KIAA1671: variants seen among roughly 807,000 people sequenced by gnomAD.
The protein encoded by KIAA1671 is uncharacterized protein KIAA1671.
KIAA1671 carries 52 observed loss-of-function variants against 131.2 expected under a neutral mutation model. The observed-to-expected ratio is 0.40, with a 90% CI of 0.32 to 0.50. The LOEUF (loss-of-function observed/expected upper bound fraction) is 0.50. Among genes scored for constraint, KIAA1671 ranks in the 20% least tolerant of loss-of-function variants. The probability of loss-of-function intolerance (pLI) is 0.73; values close to 1 mark genes in which losing one functional copy is unlikely to be tolerated. For missense variants in KIAA1671, 2,360 were observed against 2,364.2 expected, an observed-to-expected ratio of 1.00 and a Z score of 0.04; for synonymous variants, 1,003 against 961.6, an observed-to-expected ratio of 1.04 and a Z score of -0.80.
rs1167317542 is a variant in KIAA1671 at position 25,029,097 on chromosome 22, C to T, written c.1098C>T (p.Ser366=). The change falls in exon 3 of 13, where the codon AGC becomes AGT. Residue 366 remains serine (S), a synonymous_variant. Transcript: ENST00000358431. Reference sequence around the variant, plus strand: ...TGCTTTCGAAGCCGGAGATGGGCAGCCCCAGAGCCCTGGTGGGGGGCTCAT... The same window carrying T: ...TGCTTTCGAAGCCGGAGATGGGCAGTCCCAGAGCCCTGGTGGGGGGCTCAT... ...EKMLSKPEMG[S]PRALVGGSSG... The T allele has an allele frequency of 3.4e-6, 5 of 1,481,962 alleles. No homozygotes were observed. Among genetic ancestry groups the T allele is most frequent in the Non-Finnish European group, 4.5e-6 (5 of 1,114,946 alleles). 91.8% of individuals were successfully genotyped at this position (1,481,962 alleles called of 1,614,324 possible).
intron 1 of KIAA1671, among the ~76,000 whole-genome samples, chr22:24,999,774 A>G (rs900750071): frequency 2.0e-5 from 3 of 147,032 alleles, no homozygotes; most frequent in African/African-American, 7.6e-5. Context: ...TATTGTTCAG[A>G]CTGGTCTCAA....
intron 1 of KIAA1671, among the ~76,000 whole-genome samples, chr22:24,965,308 G>A (rs573628007): frequency 2.6e-5 from 4 of 151,622 alleles, no homozygotes; most frequent in East Asian, 3.9e-4. Flanking sequence ...CCAGCTACTC[G>A]GGAGGTTGAA....
Position 25,029,064 on chromosome 22 carries a change from G to A in KIAA1671, c.1065G>A (p.Lys355=). Residue 355 remains lysine, a synonymous_variant, in exon 3 of 13, where the codon AAG becomes AAA. Coordinates refer to ENST00000358431, the MANE Select transcript of KIAA1671 (RefSeq NM_001145206.2). ...LEVAKKIRER[K]EKMLSKPEMG... ...TGGCCAAGAAAATCCGTGAACGGAA[G>A]GAGAAGATGCTTTCGAAGCCGGAGA... 6.7e-7 allele frequency: 1 copy of A among 1,502,842 alleles called. No homozygotes were observed. Among genetic ancestry groups the A allele is most frequent in the Non-Finnish European group, 8.9e-7 (1 of 1,124,596 alleles). 93.1% of individuals were successfully genotyped at this position (1,502,842 alleles called of 1,614,324 possible).
intron 1 of KIAA1671, among the ~76,000 whole-genome samples, chr22:24,973,209 C>T (rs1042931332): frequency 6.6e-6 from 1 of 152,082 alleles, no homozygotes; most frequent in African/African-American, 2.4e-5. Context: ...AAAACCCTGA[C>T]TGCTGAAAAG....
chr22:25,023,067 G>A (rs1259869273), intron 1 of KIAA1671: 1 of 152,344 alleles, frequency 6.6e-6, no homozygotes, highest in Non-Finnish European at 1.5e-5. Flanking sequence ...AATTAGCTGG[G>A]TGTGGTGCTG....
chr22:25,096,486 C>CT (rs1930395746), intron 6 of KIAA1671, among the ~76,000 whole-genome samples: 1 of 152,324 alleles, frequency 6.6e-6, no homozygotes, highest in South Asian at 2.1e-4. Context: ...AGGCTTCCAT[C>CT]TTCCCTCCCT....
chr22:25,093,753 TCTCTCTCTCTCTCTGTC>T (rs1568951066), intron 6 of KIAA1671, among the ~76,000 whole-genome samples: 1 of 102,796 alleles, frequency 9.7e-6, no homozygotes, highest in Non-Finnish European at 2.0e-5. Context: ...TCTCTCTCTC[TCTCTCTCTCTCTCTGTC>T]TCTCTCTCTC....
intron 6 of KIAA1671, chr22:25,051,820 C>T (rs2145822770): frequency 6.6e-6 from 1 of 152,376 alleles, no homozygotes; most frequent in South Asian, 2.1e-4. Flanking sequence ...ACTGTGTCTG[C>T]TATGATTCCC....
At chr22:24,994,073 C>T (rs1348115595) in intron 1 of KIAA1671, among the ~76,000 whole-genome samples, 1 of 151,616 alleles carries the variant, frequency 6.6e-6, no homozygotes, top group Non-Finnish European at 1.5e-5. Context: ...AAGAACAAAA[C>T]TCCCGTCTCA....
chr22:25,078,368 A>G lies in KIAA1671; in HGVS notation c.4530+29004A>G, dbSNP rs1929223608. Among the ~76,000 whole-genome samples, 2 of 151,788 alleles carry G rather than the reference A, an allele frequency of 1.3e-5. 1 individual carries two copies. The highest frequency in any genetic ancestry group is 4.2e-4 in the South Asian group (2 of 4,792). On this transcript the variant is annotated intron_variant, in intron 6 of 12. Coordinates refer to ENST00000358431, the MANE Select transcript of KIAA1671 (RefSeq NM_001145206.2). ...AGCAATACTCAGTCTCTACAAAAGA[A>G]TTTTTTTTTGAATAGCCAAGTATAA...
intron 4 of KIAA1671, 40 bp downstream of exon 4, chr22:25,032,736 G>A (rs1210651408): frequency 1.0e-5 from 13 of 1,300,088 alleles, no homozygotes; most frequent in Admixed American, 2.0e-5. Flanking sequence ...ATTAACCAGC[G>A]GGCAGTTATG....
chr22:25,028,194 G>A lies in KIAA1671; in HGVS notation c.195G>A (p.Arg65=). ...RSPARLLPLP[R]LAPKPFSKEQ... The stretch of plus-strand genomic sequence containing the variant: ...CGGCCCGGTTACTCCCTCTGCCAAG[G>A]CTCGCCCCCAAACCCTTCTCGAAGG... The change falls in exon 3 of 13, where the codon AGG becomes AGA. Residue 65 remains arginine, a synonymous_variant. Coordinates refer to ENST00000358431, the MANE Select transcript of KIAA1671 (RefSeq NM_001145206.2). The A allele has an allele frequency of 5.2e-6, 8 of 1,550,068 alleles. No individual in the cohort carries two copies. The highest frequency in any genetic ancestry group is 6.1e-6 in the Non-Finnish European group (7 of 1,145,840).
At chr22:25,112,133 T>TCTCC in intron 6 of KIAA1671, 1 of 398,512 alleles carries the variant, frequency 2.5e-6, no homozygotes, top group Non-Finnish European at 4.4e-6. Flanking sequence ...TTAATTGCTC[T>TCTCC]CTCCCTCCCT....
At chr22:25,051,850 A>G (rs921469278) in intron 6 of KIAA1671, 6 of 152,200 alleles carry the variant, frequency 3.9e-5, no homozygotes, top group African/African-American at 9.7e-5. Context: ...TTGATGAATG[A>G]CTTTGTGCTG....
Position 25,028,199 on chromosome 22 carries a change from C to G in KIAA1671, c.200C>G (p.Ala67Gly). 6.4e-7 allele frequency: 1 copy of G among 1,550,844 alleles called. No individual in the cohort carries two copies. Among genetic ancestry groups the G allele is most frequent in the Non-Finnish European group, 8.7e-7 (1 of 1,146,432 alleles). ...CGGTTACTCCCTCTGCCAAGGCTCG[C>G]CCCCAAACCCTTCTCGAAGGAGCAG... ...PARLLPLPRLAPKPFSKEQDV... is the reference protein window; with the variant it reads ...PARLLPLPRLGPKPFSKEQDV... Residue 67 changes from alanine (A) to glycine (G), a missense_variant, in exon 3 of 13, where the codon GCC (alanine) becomes GGC (glycine). Physicochemically the swap from Ala to Gly is moderately conservative, Grantham distance 60. This residue lies in a region of KIAA1671 where 1,185 missense variants were observed against 1,126.2 expected (regional missense o/e 1.05). Coordinates refer to ENST00000358431, the MANE Select transcript of KIAA1671 (RefSeq NM_001145206.2).
intron 1 of KIAA1671, among the ~76,000 whole-genome samples, chr22:24,972,468 GCATC>G (rs766886651): frequency 7.9e-5 from 12 of 151,956 alleles, no homozygotes; most frequent in South Asian, 6.2e-4. Context: ...ACGCATGCAT[GCATC>G]CATCCATCCA....
intron 10 of KIAA1671, among the ~76,000 whole-genome samples, chr22:25,183,210 G>A (rs1282161980): frequency 2.0e-5 from 3 of 152,226 alleles, no homozygotes; most frequent in Admixed American, 6.5e-5. Flanking sequence ...TCTCAACTCT[G>A]TGTATGCCAT....
At chr22:24,987,217 C>T (rs1174776642) in intron 1 of KIAA1671, among the ~76,000 whole-genome samples, 1 of 149,882 alleles carries the variant, frequency 6.7e-6, no homozygotes, top group African/African-American at 2.4e-5. Flanking sequence ...GTTGCCCAGG[C>T]TAGAGTGTAG....
chr22:24,957,091 T>C (rs1921751479), intron 1 of KIAA1671, among the ~76,000 whole-genome samples: 2 of 152,162 alleles, frequency 1.3e-5, no homozygotes, highest in Admixed American at 1.3e-4. Context: ...AGGCCCCGTG[T>C]CTATGCTCTG....
Sources: gnomAD v4.1 joint callset for allele counts (sites outside exome capture counted in the v4.1 genomes callset) on GRCh38, gnomAD v4.1.1 for gene constraint, gnomAD v4.1.1 regional missense constraint, MANE v1.5 for transcripts, NCBI Gene and HGNC (gene_info 2026-07-23, HGNC 2026-07-21) for gene names.